The following C7orf78 variants were observed in gnomAD, a reference collection of about 807,000 sequenced individuals.
The protein encoded by C7orf78 is putative uncharacterized protein C7orf78.
the C7orf78 span, among the ~76,000 whole-genome samples, chr7:12,532,095 G>A: frequency 6.6e-6 from 1 of 152,272 alleles, no homozygotes; most frequent in African/African-American, 2.4e-5. Flanking sequence ...CAAAGGGAAG[G>A]GAAGATGGAG....
the C7orf78 span, among the ~76,000 whole-genome samples, chr7:12,527,279 T>C: frequency 7.8e-5 from 9 of 115,416 alleles, no homozygotes; most frequent in African/African-American, 3.6e-4. Context: ...ATGCTATGTG[T>C]CACTCACTTT....
At chr7:12,494,075 G>A in the C7orf78 span, among the ~76,000 whole-genome samples, 1 of 152,116 alleles carries the variant, frequency 6.6e-6, no homozygotes, top group Non-Finnish European at 1.5e-5. Context: ...AAGGCAACAG[G>A]CTAAATAAGG....
At chr7:12,510,127 T>G in the C7orf78 span, among the ~76,000 whole-genome samples, 2 of 151,698 alleles carry the variant, frequency 1.3e-5, no homozygotes, top group South Asian at 4.2e-4. Context: ...TTTAATCCAG[T>G]GTTCAATTGG....
chr7:12,489,280 A>AT, the C7orf78 span, among the ~76,000 whole-genome samples: 24 of 43,198 alleles, frequency 5.6e-4, no homozygotes, highest in South Asian at 1.5e-3. Context: ...GGTTATTTAT[A>AT]TGCATTGTTT....
the C7orf78 span, among the ~76,000 whole-genome samples, chr7:12,503,124 C>T: frequency 7.2e-6 from 1 of 138,076 alleles, no homozygotes; most frequent in Non-Finnish European, 1.6e-5. Context: ...GGGAGATATA[C>T]CTAATGCTAG....
At chr7:12,504,332 G>A in the C7orf78 span, 1 of 152,132 alleles carries the variant, frequency 6.6e-6, no homozygotes, top group African/African-American at 2.4e-5. Flanking sequence ...ACAACCAGAG[G>A]CCCTAGTTTT....
the C7orf78 span, among the ~76,000 whole-genome samples, chr7:12,535,808 C>T: frequency 6.6e-6 from 1 of 152,214 alleles, no homozygotes; most frequent in South Asian, 2.1e-4. Flanking sequence ...CTACAGACCC[C>T]ATGCAAGTCC....
At chr7:12,492,806 A>G in the C7orf78 span, among the ~76,000 whole-genome samples, 2 of 152,234 alleles carry the variant, frequency 1.3e-5, no homozygotes, top group Non-Finnish European at 2.9e-5. Context: ...AGCTCTTGCT[A>G]GATGTGAACT....
chr7:12,513,864 G>A, the C7orf78 span, among the ~76,000 whole-genome samples: 21 of 152,182 alleles, frequency 1.4e-4, no homozygotes, highest in Admixed American at 3.3e-4. Context: ...GCTGGGCGTG[G>A]TGGTGGGTGC....
chr7:12,487,716 C>A, the C7orf78 span, among the ~76,000 whole-genome samples: 1 of 151,934 alleles, frequency 6.6e-6, no homozygotes, highest in Admixed American at 6.6e-5. Context: ...GCCAGCGTAG[C>A]GGAAAAATTG....
the C7orf78 span, among the ~76,000 whole-genome samples, chr7:12,531,904 G>A: frequency 1.3e-5 from 2 of 152,280 alleles, no homozygotes; most frequent in East Asian, 1.9e-4. Flanking sequence ...GCCTACTGCA[G>A]CAGATTTTAT....
chr7:12,493,407 G>A, the C7orf78 span, among the ~76,000 whole-genome samples: 1 of 152,230 alleles, frequency 6.6e-6, no homozygotes, highest in Admixed American at 6.5e-5. Flanking sequence ...ACTATACTCT[G>A]AGGGAGAGGT....
At chr7:12,495,222 T>G in the C7orf78 span, among the ~76,000 whole-genome samples, 1 of 152,142 alleles carries the variant, frequency 6.6e-6, no homozygotes, top group Non-Finnish European at 1.5e-5. Flanking sequence ...ACGCTGTAAA[T>G]TTGTTACTCA....
At chr7:12,484,973 C>T in the C7orf78 span, among the ~76,000 whole-genome samples, 2 of 152,114 alleles carry the variant, frequency 1.3e-5, no homozygotes, top group African/African-American at 4.8e-5. Context: ...CTTTGTGTGA[C>T]TTTCAAAAGT....
At chr7:12,494,146 T>C in the C7orf78 span, among the ~76,000 whole-genome samples, 1 of 151,620 alleles carries the variant, frequency 6.6e-6, no homozygotes, top group Non-Finnish European at 1.5e-5. Flanking sequence ...CATCTTAGGG[T>C]GGGAGTGGAG....
At chr7:12,501,721 G>GA in the C7orf78 span, among the ~76,000 whole-genome samples, 6 of 149,418 alleles carry the variant, frequency 4.0e-5, no homozygotes, top group African/African-American at 1.2e-4. Context: ...CACAGAATTG[G>GA]AAAAAACTAC....
chr7:12,537,669 A>T, the C7orf78 span, among the ~76,000 whole-genome samples: 1 of 152,186 alleles, frequency 6.6e-6, no homozygotes, highest in Admixed American at 6.5e-5. Flanking sequence ...GCACTAAAAG[A>T]TATATATAGG....
At chr7:12,490,623 G>A in the C7orf78 span, among the ~76,000 whole-genome samples, 6 of 152,068 alleles carry the variant, frequency 3.9e-5, no homozygotes, top group Admixed American at 2.0e-4. Flanking sequence ...ACAGTGTGCC[G>A]GGGAAAGAGC....
At chr7:12,504,042 CT>C in the C7orf78 span, among the ~76,000 whole-genome samples, 1 of 152,120 alleles carries the variant, frequency 6.6e-6, no homozygotes, top group Non-Finnish European at 1.5e-5. Context: ...AAAAAATGTC[CT>C]TTGAAGAAAT....
Sources: gnomAD v4.1 joint callset for allele counts (sites outside exome capture counted in the v4.1 genomes callset) on GRCh38, gnomAD v4.1.1 for gene constraint, MANE v1.5 for transcripts, NCBI Gene and HGNC (gene_info 2026-07-23, HGNC 2026-07-21) for gene names.